The following TBC1D10B variants were observed in gnomAD, a reference collection of about 807,000 sequenced individuals.
TBC1D10B encodes the protein TBC1 domain family member 10B, also known as Rab27A-GAPbeta.
A neutral mutation model predicts 78.4 loss-of-function variants in TBC1D10B; 25 were observed. That is an observed-to-expected ratio of 0.32 (90% CI 0.23 to 0.45). TBC1D10B has a LOEUF of 0.45. Among genes scored for constraint, TBC1D10B ranks in the 20% least tolerant of loss-of-function variants. The pLI, the probability that TBC1D10B is intolerant of heterozygous loss-of-function variation, is 1.00. For synonymous variants in TBC1D10B, 517 were observed against 478.0 expected (o/e 1.08, Z -1.06); for missense variants, 996 against 1,104.8 (o/e 0.90, Z 1.40).
At chr16:30,361,531 G>A (rs1014285283) in intron 4 of TBC1D10B, among the ~76,000 whole-genome samples, 3 of 151,828 alleles carry the variant, frequency 2.0e-5, no homozygotes, top group African/African-American at 4.8e-5. Flanking sequence ...CCAGGTTCAC[G>A]CAATTCTCCT....
At chr16:30,362,286 C>T (rs1377411083) in intron 4 of TBC1D10B, among the ~76,000 whole-genome samples, 1 of 152,156 alleles carries the variant, frequency 6.6e-6, no homozygotes, top group Non-Finnish European at 1.5e-5. Flanking sequence ...CACCCAGCCA[C>T]AAAACTGTTT....
chr16:30,364,853 C>T (rs1376201920), intron 4 of TBC1D10B, 47 bp downstream of exon 4: 1 of 1,537,864 alleles, frequency 6.5e-7, no homozygotes, highest in Non-Finnish European at 8.8e-7. Context: ...AAGGTGGATC[C>T]TCCAGCCAAT....
In TBC1D10B at chr16:30,369,874, G is replaced by T. The variant is rs762066991; in HGVS notation, c.310C>A (p.Gln104Lys). The T allele has an allele frequency of 1.1e-5, 15 of 1,400,258 alleles. No homozygotes were observed. The African/African-American group carries it at 1.6e-4, about 15-fold the overall frequency. The allele number at this position is 1,400,258 out of a possible 1,614,324, so 86.7% of individuals were successfully genotyped here. ...GGGGATTCCGGGCCGGAGGGGAGCT[G>T]CGGCTTTGGGGCTTCGGGCGAGGCC... is the stretch of plus-strand genomic sequence containing the variant. ...LEASPEAPKPQLPSGPESPEP... is the reference protein window; with the variant it reads ...LEASPEAPKPKLPSGPESPEP... Residue 104 changes from glutamine (Q) to lysine (K), a missense_variant, in exon 1 of 9, where the codon CAG (glutamine) becomes AAG (lysine). Transcript: ENST00000409939. This position sits in a 1 kb window ranked among gnomAD's most constrained non-coding sequence, Gnocchi z 4.3.
Position 30,365,418 on chromosome 16 carries a change from G to T in TBC1D10B, c.1056+77C>A. ...GTGGTCCAGAGGGCAGATATTATCG[G>T]CTTCCTGGGCTTCCCTGGAGCACAT... On this transcript the variant is annotated intron_variant, in intron 2 of 8. Transcript: ENST00000409939. The surrounding 1 kb of genome is among the most constrained non-coding windows in gnomAD (Gnocchi z 5.0). The T allele has an allele frequency of 6.5e-7, 1 of 1,541,120 alleles. No homozygotes were observed. Among genetic ancestry groups the T allele is most frequent in the Non-Finnish European group, 9.0e-7 (1 of 1,114,340 alleles).
Position 30,365,757 on chromosome 16 carries a change from C to T in TBC1D10B, c.957-163G>A, listed in dbSNP as rs2049631180. On this transcript the variant is annotated intron_variant, in intron 1 of 8. Coordinates refer to ENST00000409939, the MANE Select transcript of TBC1D10B (RefSeq NM_015527.4). This position sits in a 1 kb window ranked among gnomAD's most constrained non-coding sequence, Gnocchi z 5.0. ...CTGGCCACTTGGGCATCCCAAGGCA[C>T]ACTGAAAGGGCTTCCTTCCCTGATG... The T allele has an allele frequency of 3.2e-6, 2 of 631,962 alleles. No homozygotes were observed. The highest frequency in any genetic ancestry group is 3.6e-5 in the African/African-American group (2 of 54,974). The allele number at this position is 631,962 out of a possible 1,614,324, so 39.1% of individuals were successfully genotyped here.
intron 6 of TBC1D10B, 67 bp downstream of exon 6, chr16:30,359,471 C>T (rs931983720): frequency 6.5e-7 from 1 of 1,550,234 alleles, no homozygotes; most frequent in East Asian, 2.4e-5. Flanking sequence ...TGGGGCAAGG[C>T]AAGGACCTGC....
At chr16:30,362,960 C>T (rs1211416405) in intron 4 of TBC1D10B, among the ~76,000 whole-genome samples, 1 of 152,196 alleles carries the variant, frequency 6.6e-6, no homozygotes, top group African/African-American at 2.4e-5. Context: ...TTGCTTGAAC[C>T]TGGGAGGTGG....
rs770374417 is a variant in TBC1D10B at position 30,359,338 on chromosome 16, C to G, written c.1476G>C (p.Glu492Asp). The change falls in exon 7 of 9, where the codon GAG becomes GAC. Residue 492 changes from glutamate (E) to aspartate (D), a missense_variant. Physicochemically the swap from Glu to Asp is conservative, Grantham distance 45 (BLOSUM62 2). Around this residue, in one of 5 missense-constraint regions of TBC1D10B, gnomAD observed 168 missense variants for 238.7 expected, o/e 0.70. Transcript: ENST00000409939. ...AGLEAIQLDG[E>D]IFFALLRRAS... The stretch of plus-strand genomic sequence containing the variant: ...CCCGGCGCAGGAGTGCAAAAAAGAT[C>G]TCCCCGTCCAGCTGAATGGCCTCCT... 1.9e-6 allele frequency: 3 copies of G among 1,578,266 alleles called. No homozygotes were observed. Among genetic ancestry groups the G allele is most frequent in the African/African-American group, 1.3e-5 (1 of 74,150 alleles).
At position 30,359,269 on chromosome 16, in the gene TBC1D10B, G is replaced by T; in HGVS notation, c.1545C>A (p.Asp515Glu). Residue 515 changes from aspartate (D) to glutamate (E), a missense_variant, in exon 7 of 9, where the codon GAC becomes GAA. Asp to Glu is a conservative substitution (Grantham distance 45). This residue lies in a region of TBC1D10B where 168 missense variants were observed against 238.7 expected (regional missense o/e 0.70). Coordinates refer to ENST00000409939, the MANE Select transcript of TBC1D10B (RefSeq NM_015527.4). ...AHRHLRRQRI[D>E]PVLYMTEWFM... ...ACCACTCCGTCATGTAGAGCACAGGGTCAATGCGCTGCCGCCGCAGGTGGC... is the reference window on the plus strand; with the variant it reads ...ACCACTCCGTCATGTAGAGCACAGGTTCAATGCGCTGCCGCCGCAGGTGGC... 6.2e-7 allele frequency: 1 copy of T among 1,610,928 alleles called. No homozygotes were observed. Among genetic ancestry groups the T allele is most frequent in the Non-Finnish European group, 8.5e-7 (1 of 1,178,620 alleles).
In TBC1D10B at chr16:30,359,823, T is replaced by C. The variant is rs2049587912; in HGVS notation, c.1290A>G (p.Arg430=). 6.4e-7 allele frequency: 1 copy of C among 1,566,700 alleles called. No homozygotes were observed. The highest frequency in any genetic ancestry group is 1.4e-5 in the African/African-American group (1 of 73,720). The change falls in exon 5 of 9, where the codon CGA becomes CGG. Residue 430 remains arginine (R), a synonymous_variant. Transcript: ENST00000409939. ...RGGHGQQDLY[R]ILKAYTIYRP... is the part of the protein sequence containing the mutation. ...GGTAGATGGTGTAGGCCTTCAGGAT[T>C]CGGTACAGGTCCTGTTGCCTGTGGG...
At chr16:30,364,769 A>G in intron 4 of TBC1D10B, 131 bp downstream of exon 4, 1 of 772,730 alleles carries the variant, frequency 1.3e-6, no homozygotes, top group South Asian at 1.7e-5. Flanking sequence ...CACTTAGTCC[A>G]TTACAGATAG....
In TBC1D10B at chr16:30,364,986, C is replaced by G. The variant is rs2049625810; in HGVS notation, c.1185G>C (p.Gly395=). 1 of 1,613,336 alleles carries G rather than the reference C, an allele frequency of 6.2e-7. No homozygotes were observed. Among genetic ancestry groups the G allele is most frequent in the Admixed American group, 1.7e-5 (1 of 59,922 alleles). Residue 395 remains glycine, a synonymous_variant, in exon 4 of 9, where the codon GGG becomes GGC. Coordinates refer to ENST00000409939, the MANE Select transcript of TBC1D10B (RefSeq NM_015527.4). ...CAATCACATCCAGCCACTTGGGGTC[C>G]CCAGGAGCCCGTTCCAGCTCCTGCA... ...GKFEELERAP[G]DPKWLDVIEK... is the part of the protein sequence containing the mutation.
At chr16:30,363,352 A>G (rs1430489019) in intron 4 of TBC1D10B, among the ~76,000 whole-genome samples, 1 of 152,128 alleles carries the variant, frequency 6.6e-6, no homozygotes, top group Non-Finnish European at 1.5e-5. Flanking sequence ...TTGTCTCCCT[A>G]TAGTCTGTTC....
rs13335932 is a variant in TBC1D10B at position 30,357,189 on chromosome 16, C to T, written c.*755G>A. ...CAGAAGAGAATGTAAACATTGGGTT[C>T]CACCCCCTGGAGCTCAAGGGAAGAC... On this transcript the variant is annotated 3_prime_UTR_variant, in exon 9 of 9. Transcript: ENST00000409939. 0.086 allele frequency: 13,121 copies of T among 152,848 alleles called. 1,623 individuals carry two copies. The highest frequency in any genetic ancestry group is 0.27 in the African/African-American group (11,373 of 41,426). 9.5% of individuals were successfully genotyped at this position (152,848 alleles called of 1,614,324 possible). A position where few individuals can be genotyped will look rare whatever the true frequency, so the allele number is the denominator to read the frequency against.
rs2049628320 is a variant in TBC1D10B at position 30,365,329 on chromosome 16, C to G, written c.1057-117G>C. 1.6e-6 allele frequency: 2 copies of G among 1,225,606 alleles called. No individual in the cohort carries two copies. The highest frequency in any genetic ancestry group is 3.0e-5 in the African/African-American group (2 of 66,694). The allele number at this position is 1,225,606 out of a possible 1,614,324, so 75.9% of individuals were successfully genotyped here. A position where few individuals can be genotyped will look rare whatever the true frequency, so the allele number is the denominator to read the frequency against. On this transcript the variant is annotated intron_variant, in intron 2 of 8. Coordinates refer to ENST00000409939, the MANE Select transcript of TBC1D10B (RefSeq NM_015527.4). The surrounding 1 kb of genome is among the most constrained non-coding windows in gnomAD (Gnocchi z 5.0). ...CCGACATCCCATAGGCTTGATTCCA[C>G]TGGACCTGGCCTGGACTTCTATTTT...
rs761132175 is a variant in TBC1D10B, at chr16:30,358,431, C to T, written c.1940G>A (p.Arg647Gln). The T allele has an allele frequency of 1.3e-6, 2 of 1,584,532 alleles. No homozygotes were observed. The highest frequency in any genetic ancestry group is 2.3e-5 in the South Asian group (2 of 87,132). Residue 647 changes from arginine to glutamine, a missense_variant, in exon 9 of 9, where the codon CGG (arginine) becomes CAG (glutamine). This residue lies in a region of TBC1D10B where 285 missense variants were observed against 252.5 expected (regional missense o/e 1.13). Coordinates refer to ENST00000409939, the MANE Select transcript of TBC1D10B (RefSeq NM_015527.4). ...GGGGCCCAGGGGTGGCTGTTGCCGC[C>T]GGCGCTCCTCGTGGATGGCCCGGGA... is the stretch of plus-strand genomic sequence containing the variant. ...HGSRAIHEERRRQQPPLGPSS... is the reference protein window; with the variant it reads ...HGSRAIHEERQRQQPPLGPSS...
Position 30,369,789 on chromosome 16 carries a change from G to T in TBC1D10B, c.395C>A (p.Ser132Ter). Residue 132 changes from serine to a stop codon, truncating the protein, a stop_gained, in exon 1 of 9, where the codon TCG becomes TAG. Transcript: ENST00000409939. LOFTEE classifies it high-confidence loss of function. This position sits in a 1 kb window ranked among gnomAD's most constrained non-coding sequence, Gnocchi z 4.3. ...GGGTCGAGCCTCCTCTGTCTTCGGC[G>T]AGTCTGCCCCTGCGGCCAGAGCCCT... ...TSRALAAGAD[S>*]PKTEEARPSP... 7.0e-7 allele frequency: 1 copy of T among 1,434,508 alleles called. No individual in the cohort carries two copies. The highest frequency in any genetic ancestry group is 9.2e-7 in the Non-Finnish European group (1 of 1,092,042). The allele number at this position is 1,434,508 out of a possible 1,614,324, so 88.9% of individuals were successfully genotyped here.
At chr16:30,361,941 G>C (rs2049601797) in intron 4 of TBC1D10B, among the ~76,000 whole-genome samples, 1 of 151,732 alleles carries the variant, frequency 6.6e-6, no homozygotes, top group Admixed American at 6.6e-5. Context: ...CTGCCTCCCG[G>C]GTTCACACCA....
At chr16:30,358,989 G>A in intron 7 of TBC1D10B, 172 bp from the exon 8 acceptor site, 8 of 1,210,684 alleles carry the variant, frequency 6.6e-6, no homozygotes, top group East Asian at 2.6e-5. Context: ...TTGGCAGGGA[G>A]AGCAGGCTCT....
Sources: gnomAD v4.1 joint callset for allele counts (sites outside exome capture counted in the v4.1 genomes callset) on GRCh38, gnomAD v4.1.1 for gene constraint, gnomAD v4.1.1 regional missense constraint, Gnocchi (gnomAD v3.1) non-coding constraint, MANE v1.5 for transcripts, NCBI Gene and HGNC (gene_info 2026-07-23, HGNC 2026-07-21) for gene names.